SLC25A27: variants seen among roughly 807,000 people sequenced by gnomAD.
The protein encoded by SLC25A27 is solute carrier family 25 member 27, also known as mitochondrial uncoupling protein 4.
A neutral mutation model predicts 49.1 loss-of-function variants in SLC25A27; 35 were observed. The ratio of observed to expected loss-of-function variants is 0.71; its 90% CI spans 0.54 to 0.95. The LOEUF (loss-of-function observed/expected upper bound fraction) is 0.95, where lower values mean the gene tolerates loss of function less well. Ranked by LOEUF, SLC25A27 falls within the 40% of genes least tolerant of loss-of-function variation. The pLI, the probability that SLC25A27 is intolerant of heterozygous loss-of-function variation, is 0.00. For missense variants in SLC25A27, 339 were observed against 397.1 expected, an observed-to-expected ratio of 0.85 and a Z score of 1.24; for synonymous variants, 144 against 136.9, an observed-to-expected ratio of 1.05 and a Z score of -0.36.
intron 3 of SLC25A27, among the ~76,000 whole-genome samples, chr6:46,659,572 C>T (rs549429117): frequency 1.1e-4 from 17 of 152,114 alleles, no homozygotes; most frequent in African/African-American, 4.1e-4. Flanking sequence ...AGAAAACACA[C>T]GCTGGGCGGG....
intron 8 of SLC25A27, among the ~76,000 whole-genome samples, chr6:46,674,562 A>G (rs534605345): frequency 6.6e-6 from 1 of 152,328 alleles, no homozygotes; most frequent in South Asian, 2.1e-4. Context: ...GACTTGCCAC[A>G]GTGCATGACC....
At chr6:46,663,487 T>C (rs1763230711) in intron 4 of SLC25A27, among the ~76,000 whole-genome samples, 1 of 152,148 alleles carries the variant, frequency 6.6e-6, no homozygotes, top group Non-Finnish European at 1.5e-5. Flanking sequence ...AAGTAGTTTA[T>C]AGAACCCCAG....
chr6:46,655,813 G>A (rs1178585011), intron 1 of SLC25A27, 30 bp from the exon 2 acceptor site: 2 of 1,592,960 alleles, frequency 1.3e-6, no homozygotes, highest in Admixed American at 1.7e-5. Flanking sequence ...GAATGTTGTG[G>A]GTTTTTCCCT....
Position 46,672,397 on chromosome 6 carries a change from T to C in SLC25A27, c.900+1169T>C, listed in dbSNP as rs898388975. On this transcript the variant is annotated intron_variant, in intron 8 of 8. Transcript: ENST00000371347. ...TAATGGGCACCAGTTTGAAGAAATA[T>C]GCATTTTTAGAAAATTTGTTCTGCC... Among the ~76,000 whole-genome samples, 5 of 151,926 alleles carry C rather than the reference T, an allele frequency of 3.3e-5. No homozygotes were observed. In the East Asian group the frequency reaches 5.8e-4, roughly 18 times the overall value.
intron 1 of SLC25A27, among the ~76,000 whole-genome samples, chr6:46,655,639 C>G (rs1341731391): frequency 7.3e-5 from 10 of 136,810 alleles, no homozygotes; most frequent in Non-Finnish European, 1.2e-4. Context: ...AATCAAGTTT[C>G]TAAACCCTCT....
intron 1 of SLC25A27, among the ~76,000 whole-genome samples, chr6:46,654,735 A>G (rs576411386): frequency 2.4e-4 from 37 of 152,344 alleles, no homozygotes; most frequent in Admixed American, 5.9e-4. Context: ...TTCATATGTC[A>G]ATAAAATATT....
intron 7 of SLC25A27, 76 bp downstream of exon 7, chr6:46,670,303 T>A (rs1254209783): frequency 1.1e-6 from 1 of 914,354 alleles, no homozygotes; most frequent in African/African-American, 1.7e-5. Context: ...CATCTCTGCA[T>A]TTTTTATTGA....
Position 46,676,600 on chromosome 6 carries a change from T to A in SLC25A27, c.*146T>A. The A allele has an allele frequency of 6.4e-7, 1 of 1,556,282 alleles. No homozygotes were observed. Among genetic ancestry groups the A allele is most frequent in the South Asian group, 1.2e-5 (1 of 84,882 alleles). ...ATTTATAGGGGGCAGCACTTTATTT[T>A]TTTCTGGAAACCCAAGTTCTCTTTG... On this transcript the variant is annotated 3_prime_UTR_variant, in exon 9 of 9. Transcript: ENST00000371347.
intron 5 of SLC25A27, among the ~76,000 whole-genome samples, chr6:46,665,526 A>T (rs1324533571): frequency 1.3e-5 from 2 of 152,102 alleles, no homozygotes; most frequent in African/African-American, 2.4e-5. Flanking sequence ...TCTACTAAAA[A>T]ATACAAAAAA....
chr6:46,663,381 A>G (rs1014425073), intron 4 of SLC25A27, among the ~76,000 whole-genome samples: 5 of 152,136 alleles, frequency 3.3e-5, no homozygotes, highest in African/African-American at 1.2e-4. Flanking sequence ...GTGGAAAAGG[A>G]GACTGGGCTG....
In SLC25A27 at chr6:46,670,170, C is replaced by A. The variant is rs909522823; in HGVS notation, c.740C>A (p.Thr247Lys). 6.2e-7 allele frequency: 1 copy of A among 1,612,906 alleles called. No individual in the cohort carries two copies. Among genetic ancestry groups the A allele is most frequent in the Non-Finnish European group, 8.5e-7 (1 of 1,179,564 alleles). Residue 247 changes from threonine to lysine, a missense_variant, in exon 7 of 9, where the codon ACA (threonine) becomes AAA (lysine). Transcript: ENST00000371347. ...GGACTGGTAGCTTCTATTCTGGGAA[C>A]ACCAGCCGATGTCATCAAAAGCAGA... ...CSGLVASILG[T>K]PADVIKSRIM...
At chr6:46,668,470 C>G (rs569882026) in intron 5 of SLC25A27, among the ~76,000 whole-genome samples, 36 of 152,182 alleles carry the variant, frequency 2.4e-4, no homozygotes, top group African/African-American at 7.7e-4. Flanking sequence ...TACTGAAAGG[C>G]CCAGGGGTTG....
At chr6:46,664,400 C>T (rs1452326140) in intron 4 of SLC25A27, among the ~76,000 whole-genome samples, 1 of 151,964 alleles carries the variant, frequency 6.6e-6, no homozygotes, top group Non-Finnish European at 1.5e-5. Flanking sequence ...TTTGCAGGTC[C>T]CTTCCATCAC....
intron 5 of SLC25A27, among the ~76,000 whole-genome samples, chr6:46,665,425 C>T (rs1242286172): frequency 6.6e-6 from 1 of 152,144 alleles, no homozygotes; most frequent in Non-Finnish European, 1.5e-5. Context: ...GTGGCTCACA[C>T]CTGTAATCCC....
At position 46,655,956 on chromosome 6, in the gene SLC25A27, A is replaced by G; in HGVS notation, c.220A>G (p.Thr74Ala). 1 of 1,614,012 alleles carries G rather than the reference A, an allele frequency of 6.2e-7. No individual in the cohort carries two copies. Among genetic ancestry groups the G allele is most frequent in the Non-Finnish European group, 8.5e-7 (1 of 1,179,986 alleles). ...TGCCCCCTATAGGGGAATGGTGCGCACAGCTCTAGGGATCATTGAAGAGGA... is the reference window on the plus strand; with the variant it reads ...TGCCCCCTATAGGGGAATGGTGCGCGCAGCTCTAGGGATCATTGAAGAGGA... ...ESAPYRGMVR[T>A]ALGIIEEEGF... Residue 74 changes from threonine to alanine, a missense_variant, in exon 2 of 9, where the codon ACA becomes GCA. By Grantham distance (58) the Thr-to-Ala change is moderately conservative (BLOSUM62 0). Coordinates refer to ENST00000371347, the MANE Select transcript of SLC25A27 (RefSeq NM_004277.5).
chr6:46,671,613 T>G (rs754582975), intron 8 of SLC25A27, among the ~76,000 whole-genome samples: 3 of 152,042 alleles, frequency 2.0e-5, no homozygotes, highest in Non-Finnish European at 4.4e-5. Context: ...TCAAAAAAAT[T>G]TGTTACTTTG....
At chr6:46,667,022 C>T (rs1763348571) in intron 5 of SLC25A27, among the ~76,000 whole-genome samples, 1 of 152,128 alleles carries the variant, frequency 6.6e-6, no homozygotes, top group African/African-American at 2.4e-5. Context: ...CTACAGAGGC[C>T]TTCTAACTAG....
chr6:46,668,889 G>T, intron 6 of SLC25A27, 96 bp downstream of exon 6: 1 of 717,846 alleles, frequency 1.4e-6, no homozygotes. Flanking sequence ...GATTGGGATT[G>T]TACTGGCATC....
Position 46,659,081 on chromosome 6 carries a change from C to G in SLC25A27, c.383+35C>G, listed in dbSNP as rs570491455. ...GTTTGGAAAATAATATGCTGTTGCCCCAAATGCCTTAATGTTTATTAGGTT... is the reference window on the plus strand; with the variant it reads ...GTTTGGAAAATAATATGCTGTTGCCGCAAATGCCTTAATGTTTATTAGGTT... On this transcript the variant is annotated intron_variant, in intron 3 of 8. Coordinates refer to ENST00000371347, the MANE Select transcript of SLC25A27 (RefSeq NM_004277.5). 98 of 1,353,066 alleles carry G rather than the reference C, an allele frequency of 7.2e-5. 2 individuals carry two copies. The South Asian group carries it at 1.2e-3, about 16-fold the overall frequency. 83.8% of individuals were successfully genotyped at this position (1,353,066 alleles called of 1,614,324 possible).
Sources: allele counts gnomAD v4.1 joint callset (sites outside exome capture counted in the v4.1 genomes callset), GRCh38; gene constraint gnomAD v4.1.1; transcripts MANE v1.5; gene names NCBI Gene and HGNC (gene_info 2026-07-23, HGNC 2026-07-21).